Variants in GFOD1 observed in about 807,000 individuals in gnomAD.
GFOD1 encodes glucose-fructose oxidoreductase domain-containing protein 1.
Under a neutral mutation model 25.4 loss-of-function variants are expected in GFOD1, and 9 were observed. That is an observed-to-expected ratio of 0.35 (90% CI 0.21 to 0.62). The LOEUF is 0.62. GFOD1 is among the 20% of genes least tolerant of loss of function. The probability of loss-of-function intolerance (pLI) is 0.72; values close to 1 mark genes in which losing one functional copy is unlikely to be tolerated. For synonymous variants in GFOD1, 253 were observed against 245.6 expected (o/e 1.03, Z -0.28); for missense variants, 403 against 556.9 (o/e 0.72, Z 2.78).
At chr6:13,405,625 A>G (rs769567732) in intron 1 of GFOD1, among the ~76,000 whole-genome samples, 22 of 152,198 alleles carry the variant, frequency 1.4e-4, no homozygotes, top group Non-Finnish European at 2.5e-4. Context: ...GAACCTCTAC[A>G]TTAGAAAATA....
rs901286583 is a variant in GFOD1, at chr6:13,486,027, A to G, written c.253+611T>C. The G allele has an allele frequency of 4.9e-5, 48 of 986,000 alleles. No homozygotes were observed. The Middle Eastern group carries it at 1.6e-3, about 32-fold the overall frequency. The allele number at this position is 986,000 out of a possible 1,614,324, so 61.1% of individuals were successfully genotyped here. A position where few individuals can be genotyped will look rare whatever the true frequency, so the allele number is the denominator to read the frequency against. The stretch of plus-strand genomic sequence containing the variant: ...CGTCCTTGCCTCCAGCGCAGACGAA[A>G]TAATTCCAGCCGATGGTAACATCTG... On this transcript the variant is annotated intron_variant, in intron 1 of 1. Coordinates refer to ENST00000379287, the MANE Select transcript of GFOD1 (RefSeq NM_018988.4).
Position 13,365,597 on chromosome 6 carries a change from C to T in GFOD1, c.319G>A (p.Ala107Thr). The change falls in exon 2 of 2, where the codon GCC becomes ACC. Residue 107 changes from alanine to threonine, a missense_variant. By Grantham distance (58) the Ala-to-Thr change is moderately conservative. Transcript: ENST00000379287. This position sits in a 1 kb window ranked among gnomAD's most constrained non-coding sequence, Gnocchi z 9.2. ...TPLDAFRMTSAAHYYPKLMSI... is the reference protein window; with the variant it reads ...TPLDAFRMTSTAHYYPKLMSI... ...ATGAGCTTGGGGTAGTAGTGGGCGGCCGAGGTCATGCGGAAAGCGTCCAGC... is the reference window on the plus strand; with the variant it reads ...ATGAGCTTGGGGTAGTAGTGGGCGGTCGAGGTCATGCGGAAAGCGTCCAGC... 6.2e-7 allele frequency: 1 copy of T among 1,606,178 alleles called. No homozygotes were observed.
intron 1 of GFOD1, among the ~76,000 whole-genome samples, chr6:13,440,585 A>G (rs916630795): frequency 6.6e-5 from 10 of 152,038 alleles, no homozygotes; most frequent in African/African-American, 2.4e-4. Context: ...TTTGGGCAGC[A>G]CTCCTCATCG....
chr6:13,390,357 G>A (rs1002976879), intron 1 of GFOD1, among the ~76,000 whole-genome samples: 3 of 152,050 alleles, frequency 2.0e-5, no homozygotes, highest in Non-Finnish European at 4.4e-5. Context: ...TTGGGAGGCC[G>A]AGGCAGGAGG....
chr6:13,441,370 A>T (rs945834447), intron 1 of GFOD1, among the ~76,000 whole-genome samples: 3 of 152,242 alleles, frequency 2.0e-5, no homozygotes, highest in Admixed American at 6.5e-5. Context: ...ATTGCAAGTG[A>T]TAAATCTCTT....
intron 1 of GFOD1, among the ~76,000 whole-genome samples, chr6:13,393,941 G>A (rs1488985403): frequency 1.3e-5 from 2 of 151,942 alleles, no homozygotes; most frequent in Non-Finnish European, 2.9e-5. Flanking sequence ...ACCACGCCCG[G>A]CTAATTTTTT....
rs1159527881 is a variant in GFOD1 at position 13,454,529 on chromosome 6, T to C, written c.253+32109A>G. On this transcript the variant is annotated intron_variant, in intron 1 of 1. Coordinates refer to ENST00000379287, the MANE Select transcript of GFOD1 (RefSeq NM_018988.4). The stretch of plus-strand genomic sequence containing the variant: ...GCCCCCAAGTCCTACTTCCTGGCCT[T>C]TCAGTAGCTATGTCTTAAAAAAAGA... 7.2e-5 allele frequency among the ~76,000 whole-genome samples: 11 copies of C among 152,210 alleles called. No homozygotes were observed. The South Asian group carries it at 8.3e-4, about 11-fold the overall frequency.
intron 1 of GFOD1, among the ~76,000 whole-genome samples, chr6:13,420,118 G>A (rs1316179046): frequency 2.0e-5 from 3 of 151,124 alleles, no homozygotes; most frequent in African/African-American, 7.4e-5. Context: ...CATACCTTCT[G>A]GCTCGCATGG....
At chr6:13,412,396 C>T (rs1004513326) in intron 1 of GFOD1, among the ~76,000 whole-genome samples, 1 of 152,126 alleles carries the variant, frequency 6.6e-6, no homozygotes, top group East Asian at 1.9e-4. Flanking sequence ...AGAAACCAAC[C>T]CTGCTGGCAC....
chr6:13,397,557 C>T (rs1213226671), intron 1 of GFOD1, among the ~76,000 whole-genome samples: 7 of 152,212 alleles, frequency 4.6e-5, no homozygotes, highest in Admixed American at 6.5e-5. Context: ...ACCCAGGGGC[C>T]GGCCCACTGG....
At chr6:13,461,709 C>T (rs956787733) in intron 1 of GFOD1, among the ~76,000 whole-genome samples, 2 of 152,134 alleles carry the variant, frequency 1.3e-5, no homozygotes, top group East Asian at 3.9e-4. Context: ...CACATGAACT[C>T]CTTGCCTCTG....
intron 1 of GFOD1, among the ~76,000 whole-genome samples, chr6:13,453,071 G>C (rs1171014791): frequency 1.3e-5 from 2 of 152,200 alleles, no homozygotes; most frequent in Non-Finnish European, 2.9e-5. Context: ...CATCAGTTCA[G>C]CTCAGGTTTT....
At chr6:13,451,362 G>T (rs903567482) in intron 1 of GFOD1, among the ~76,000 whole-genome samples, 1 of 152,152 alleles carries the variant, frequency 6.6e-6, no homozygotes, top group Non-Finnish European at 1.5e-5. Flanking sequence ...CAACACGGAG[G>T]CCCGAGCCTA....
rs1358969733 is a variant in GFOD1 at position 13,365,090 on chromosome 6, C to T, written c.826G>A (p.Glu276Lys). ...YGQRNSAPEQELLVQDATPVS... is the reference protein window; with the variant it reads ...YGQRNSAPEQKLLVQDATPVS... ...GGCGTGGCGTCCTGCACCAGCAGCT[C>T]CTGCTCCGGGGCGCTGTTGCGCTGC... is the stretch of plus-strand genomic sequence containing the variant. Residue 276 changes from glutamate (E) to lysine (K), a missense_variant, in exon 2 of 2, where the codon GAG (glutamate) becomes AAG (lysine). Physicochemically the swap from Glu to Lys is moderately conservative, Grantham distance 56. Transcript: ENST00000379287. This position sits in a 1 kb window ranked among gnomAD's most constrained non-coding sequence, Gnocchi z 9.2. The T allele has an allele frequency of 6.2e-7, 1 of 1,612,376 alleles. No homozygotes were observed. Among genetic ancestry groups the T allele is most frequent in the Admixed American group, 1.7e-5 (1 of 60,006 alleles).
chr6:13,408,440 T>A (rs478804), intron 1 of GFOD1, among the ~76,000 whole-genome samples: 1 of 152,038 alleles, frequency 6.6e-6, no homozygotes, highest in African/African-American at 2.4e-5. Flanking sequence ...GCTTTTCTAC[T>A]GATGGCTGCT....
chr6:13,361,010 T>C lies in GFOD1; in HGVS notation c.*3733A>G, dbSNP rs1584601092. 1 of 378,612 alleles carries C rather than the reference T, an allele frequency of 2.6e-6. No individual in the cohort carries two copies. The highest frequency in any genetic ancestry group is 2.0e-5 in the South Asian group (1 of 51,046). The allele number at this position is 378,612 out of a possible 1,614,324, so 23.5% of individuals were successfully genotyped here. On this transcript the variant is annotated 3_prime_UTR_variant, in exon 2 of 2. Coordinates refer to ENST00000379287, the MANE Select transcript of GFOD1 (RefSeq NM_018988.4). Reference sequence around the variant, plus strand: ...CATTTTCTCATGTGTATAAAAGAAATAGCAATACCCAACACTATAGGGTTG... The same window carrying C: ...CATTTTCTCATGTGTATAAAAGAAACAGCAATACCCAACACTATAGGGTTG...
At chr6:13,389,091 G>A (rs1005084515) in intron 1 of GFOD1, among the ~76,000 whole-genome samples, 2 of 152,128 alleles carry the variant, frequency 1.3e-5, no homozygotes, top group African/African-American at 4.8e-5. Flanking sequence ...TTAGAATGGC[G>A]ATCATTAAAA....
intron 1 of GFOD1, among the ~76,000 whole-genome samples, chr6:13,420,134 G>A (rs1786229335): frequency 1.3e-5 from 2 of 152,164 alleles, no homozygotes; most frequent in South Asian, 2.1e-4. Flanking sequence ...CATGGGATCC[G>A]TGCCTTTGAA....
At position 13,486,247 on chromosome 6, in the gene GFOD1, T is replaced by TCCCCCCCCCCCCCC. The variant is rs373896526; in HGVS notation, c.253+390_253+391insGGGGGGGGGGGGGG. ...CGCACAACCCTCCTCCACCCCCCCA[T>TCCCCCCCCCCCCCC]CCCCCCCCCCCACACACACACACTT... On this transcript the variant is annotated intron_variant, in intron 1 of 1. Coordinates refer to ENST00000379287, the MANE Select transcript of GFOD1 (RefSeq NM_018988.4). 6.5e-4 allele frequency: 76 copies of TCCCCCCCCCCCCCC among 116,314 alleles called. 1 individual carries two copies. Among genetic ancestry groups the TCCCCCCCCCCCCCC allele is most frequent in the African/African-American group, 3.3e-3 (36 of 10,848 alleles). 7.2% of individuals were successfully genotyped at this position (116,314 alleles called of 1,614,324 possible).
Sources: allele counts gnomAD v4.1 joint callset (sites outside exome capture counted in the v4.1 genomes callset), GRCh38; gene constraint gnomAD v4.1.1; non-coding constraint Gnocchi (gnomAD v3.1); transcripts MANE v1.5; gene names NCBI Gene and HGNC (gene_info 2026-07-23, HGNC 2026-07-21).